The following TRAPPC9 variants were observed in gnomAD, a reference collection of about 807,000 sequenced individuals.
TRAPPC9 encodes the protein trafficking protein particle complex subunit 9, also known as IKK2 binding protein.
A neutral mutation model predicts 124.0 loss-of-function variants in TRAPPC9; 83 were observed. That is an observed-to-expected ratio of 0.67 (90% CI 0.56 to 0.80). The LOEUF (loss-of-function observed/expected upper bound fraction) is 0.80. TRAPPC9 is among the 30% of genes least tolerant of loss of function. TRAPPC9 has a pLI of 0.00. For missense variants in TRAPPC9, 1,302 were observed against 1,508.3 expected (o/e 0.86, Z 2.27); for synonymous variants, 638 against 617.5 (o/e 1.03, Z -0.49).
chr8:140,247,043 T>C (rs1211872100), intron 16 of TRAPPC9, among the ~76,000 whole-genome samples: 2 of 152,208 alleles, frequency 1.3e-5, no homozygotes, highest in Non-Finnish European at 2.9e-5. Context: ...TTTTAAATTA[T>C]TGTGATGGAT....
At chr8:139,808,878 A>G (rs923711637) in intron 21 of TRAPPC9, among the ~76,000 whole-genome samples, 1 of 152,192 alleles carries the variant, frequency 6.6e-6, no homozygotes, top group Non-Finnish European at 1.5e-5. Context: ...GTAAACAAAA[A>G]CACTTGAGCT....
chr8:140,194,813 A>G (rs1288690402), intron 17 of TRAPPC9, among the ~76,000 whole-genome samples: 5 of 151,336 alleles, frequency 3.3e-5, no homozygotes, highest in Non-Finnish European at 7.4e-5. Flanking sequence ...CACACTCAAC[A>G]ACCTATCGTA....
chr8:139,867,621 T>C (rs770717089), intron 21 of TRAPPC9, among the ~76,000 whole-genome samples: 1 of 152,178 alleles, frequency 6.6e-6, no homozygotes, highest in Non-Finnish European at 1.5e-5. Flanking sequence ...GGCCACCTGA[T>C]AGACACAAAG....
At chr8:140,140,086 G>C (rs1018713114) in intron 17 of TRAPPC9, among the ~76,000 whole-genome samples, 2 of 152,178 alleles carry the variant, frequency 1.3e-5, no homozygotes, top group Admixed American at 1.3e-4. Flanking sequence ...ACAGCTGTGT[G>C]TCCCACGAGG....
intron 21 of TRAPPC9, among the ~76,000 whole-genome samples, chr8:139,767,823 T>C (rs996861433): frequency 6.6e-6 from 1 of 152,254 alleles, no homozygotes; most frequent in Non-Finnish European, 1.5e-5. Context: ...TAGACTGGCA[T>C]AGATTTTTAA....
intron 9 of TRAPPC9, among the ~76,000 whole-genome samples, chr8:140,356,043 G>T (rs1482800411): frequency 6.6e-6 from 1 of 152,208 alleles, no homozygotes; most frequent in African/African-American, 2.4e-5. Context: ...AACCCTCGCT[G>T]TATTTTCCTG....
intron 17 of TRAPPC9, among the ~76,000 whole-genome samples, chr8:140,133,469 G>A (rs927458440): frequency 1.3e-5 from 2 of 152,208 alleles, no homozygotes; most frequent in Admixed American, 6.5e-5. Context: ...ACTCAACAGA[G>A]AAAGACTGAA....
intron 17 of TRAPPC9, among the ~76,000 whole-genome samples, chr8:140,103,469 T>C (rs550631120): frequency 6.6e-6 from 1 of 152,282 alleles, no homozygotes; most frequent in Non-Finnish European, 1.5e-5. Flanking sequence ...GTACAAGCGA[T>C]TGGGGCAGGA....
chr8:140,272,116 A>AATGGTGATGGTGGCGATGGTGATGGTG (rs2064922388), intron 15 of TRAPPC9, among the ~76,000 whole-genome samples: 8 of 120,118 alleles, frequency 6.7e-5, no homozygotes, highest in Non-Finnish European at 1.2e-4. Flanking sequence ...TGGTGGTGGC[A>AATGGTGATGGTGGCGATGGTGATGGTG]ATGGTGATGG....
chr8:140,443,000 G>A (rs1395063006), intron 2 of TRAPPC9, among the ~76,000 whole-genome samples: 1 of 150,704 alleles, frequency 6.6e-6, no homozygotes, highest in African/African-American at 2.5e-5. Context: ...GGGCATGGTG[G>A]CACGTGCCTG....
At chr8:140,259,667 CCA>C (rs1225810574) in intron 15 of TRAPPC9, among the ~76,000 whole-genome samples, 1 of 152,200 alleles carries the variant, frequency 6.6e-6, no homozygotes, top group Non-Finnish European at 1.5e-5. Context: ...TCCTCAAGCC[CCA>C]GTTTCCTTCT....
chr8:140,200,889 T>C (rs564185609), intron 17 of TRAPPC9, among the ~76,000 whole-genome samples: 2 of 152,320 alleles, frequency 1.3e-5, no homozygotes, highest in East Asian at 3.9e-4. Context: ...ACACTGACAA[T>C]GGAGAAAACT....
intron 9 of TRAPPC9, among the ~76,000 whole-genome samples, chr8:140,356,894 G>C (rs2067768568): frequency 6.6e-6 from 1 of 152,144 alleles, no homozygotes; most frequent in Non-Finnish European, 1.5e-5. Context: ...ACAGGAGTGA[G>C]CCACCATGCC....
Position 140,300,327 on chromosome 8 carries a change from A to G in TRAPPC9, c.1768+142T>C, listed in dbSNP as rs2065937958. On this transcript the variant is annotated intron_variant, in intron 11 of 22. Transcript: ENST00000438773. ...TGCACACATGCACACACATATACAC[A>G]CATATGCATGCGTGCACACATCCAC... 2.9e-6 allele frequency: 3 copies of G among 1,043,788 alleles called. No individual in the cohort carries two copies. The Admixed American group carries it at 5.5e-5, about 19-fold the overall frequency. The allele number at this position is 1,043,788 out of a possible 1,614,324, so 64.7% of individuals were successfully genotyped here. A position where few individuals can be genotyped will look rare whatever the true frequency, so the allele number is the denominator to read the frequency against.
chr8:140,454,782 T>C (rs1217510557), intron 1 of TRAPPC9, among the ~76,000 whole-genome samples: 2 of 146,364 alleles, frequency 1.4e-5, no homozygotes, highest in Non-Finnish European at 3.0e-5. Context: ...CTACTAAAAA[T>C]ACAAAAATTA....
At chr8:140,269,994 G>A (rs1285489176) in intron 15 of TRAPPC9, among the ~76,000 whole-genome samples, 4 of 152,134 alleles carry the variant, frequency 2.6e-5, no homozygotes, top group Non-Finnish European at 5.9e-5. Context: ...CAGTTACTCA[G>A]GAGGCTGAGG....
At chr8:139,802,759 C>T (rs1002545375) in intron 21 of TRAPPC9, among the ~76,000 whole-genome samples, 2 of 152,104 alleles carry the variant, frequency 1.3e-5, no homozygotes, top group African/African-American at 4.8e-5. Context: ...ACTGTCAGTG[C>T]CTCTAGGCTC....
chr8:139,913,159 G>A (rs1451383642), intron 19 of TRAPPC9, among the ~76,000 whole-genome samples: 1 of 152,220 alleles, frequency 6.6e-6, no homozygotes, highest in Non-Finnish European at 1.5e-5. Context: ...ACAATTTCTG[G>A]TTGAGTAATC....
Position 139,731,231 on chromosome 8 carries a change from G to A in TRAPPC9, c.3280-3C>T. The stretch of plus-strand genomic sequence containing the variant: ...GCCGACTGGCCGGACGGCTGCACCT[G>A]AGCAGGGAGGAGAAAGACACATCAG... On this transcript the variant is annotated splice_region_variant and splice_polypyrimidine_tract_variant and intron_variant, in intron 22 of 22. Coordinates refer to ENST00000438773, the MANE Select transcript of TRAPPC9 (RefSeq NM_001160372.4). The A allele has an allele frequency of 6.2e-7, 1 of 1,613,124 alleles. No individual in the cohort carries two copies. The highest frequency in any genetic ancestry group is 8.5e-7 in the Non-Finnish European group (1 of 1,179,842).
Sources: allele counts gnomAD v4.1 joint callset (sites outside exome capture counted in the v4.1 genomes callset), GRCh38; gene constraint gnomAD v4.1.1; transcripts MANE v1.5; gene names NCBI Gene and HGNC (gene_info 2026-07-23, HGNC 2026-07-21).